The following PRKN variants were observed in gnomAD, a reference collection of about 807,000 sequenced individuals.
PRKN encodes the protein parkin RBR E3 ubiquitin protein ligase.
Under a neutral mutation model 59.5 loss-of-function variants are expected in PRKN, and 56 were observed. That is an observed-to-expected ratio of 0.94 (90% CI 0.76 to 1.18). The LOEUF (loss-of-function observed/expected upper bound fraction) is 1.18, where lower values mean the gene tolerates loss of function less well. Among genes scored for constraint, PRKN ranks in the 50% most tolerant of loss-of-function variants. PRKN has a pLI of 0.00. For synonymous variants in PRKN, 250 were observed against 222.1 expected, an observed-to-expected ratio of 1.13 and a Z score of -1.12; for missense variants, 657 against 596.4, an observed-to-expected ratio of 1.10 and a Z score of -1.06.
chr6:162,188,103 G>T (rs754009922), intron 4 of PRKN, among the ~76,000 whole-genome samples: 1 of 152,168 alleles, frequency 6.6e-6, no homozygotes, highest in African/African-American at 2.4e-5. Flanking sequence ...CACCATCCAT[G>T]TAAGACATGA....
intron 4 of PRKN, among the ~76,000 whole-genome samples, chr6:162,068,937 A>G (rs554037337): frequency 4.1e-4 from 62 of 152,318 alleles, no homozygotes; most frequent in Admixed American, 4.1e-3. Flanking sequence ...TGGTAACTCA[A>G]TATATAACAT....
At chr6:162,469,450 C>T (rs1791612151) in intron 1 of PRKN, among the ~76,000 whole-genome samples, 1 of 151,266 alleles carries the variant, frequency 6.6e-6, no homozygotes, top group Non-Finnish European at 1.5e-5. Flanking sequence ...CGGAACCAGC[C>T]CAAATGCCCA....
chr6:161,765,696 A>G (rs1378898520), intron 7 of PRKN, among the ~76,000 whole-genome samples: 1 of 152,116 alleles, frequency 6.6e-6, no homozygotes, highest in Non-Finnish European at 1.5e-5. Flanking sequence ...CCAACAAGAG[A>G]TATTAGATAA....
intron 1 of PRKN, among the ~76,000 whole-genome samples, chr6:162,529,852 G>A (rs1458044710): frequency 1.3e-5 from 2 of 152,164 alleles, no homozygotes; most frequent in Non-Finnish European, 2.9e-5. Flanking sequence ...ATCTTAAGCT[G>A]GGCGTGGTGG....
At chr6:162,711,071 GAC>G (rs1778519632) in intron 1 of PRKN, among the ~76,000 whole-genome samples, 1 of 152,218 alleles carries the variant, frequency 6.6e-6, no homozygotes, top group Non-Finnish European at 1.5e-5. Flanking sequence ...CTGGTTCACT[GAC>G]AGTTTGATGA....
chr6:162,591,892 G>GAA (rs57079805), intron 1 of PRKN, among the ~76,000 whole-genome samples: 4 of 127,040 alleles, frequency 3.1e-5, no homozygotes, highest in South Asian at 2.4e-4. Flanking sequence ...TGAACTGCTA[G>GAA]AAAAAAAAAA....
intron 6 of PRKN, among the ~76,000 whole-genome samples, chr6:161,887,453 G>A (rs1305659452): frequency 2.0e-5 from 3 of 152,158 alleles, no homozygotes; most frequent in Non-Finnish European, 2.9e-5. Flanking sequence ...AATCCTATTT[G>A]TACCACAGAA....
chr6:162,504,005 G>A (rs1793497436), intron 1 of PRKN, among the ~76,000 whole-genome samples: 1 of 152,228 alleles, frequency 6.6e-6, no homozygotes, highest in African/African-American at 2.4e-5. Context: ...ACAGCTGACT[G>A]AATTGAGAAG....
rs149103298 is a variant in PRKN at position 161,732,286 on chromosome 6, C to T, written c.871+53486G>A. 2.8e-4 allele frequency among the ~76,000 whole-genome samples: 42 copies of T among 152,098 alleles called. No homozygotes were observed. In the East Asian group the frequency reaches 7.4e-3, roughly 27 times the overall value. On this transcript the variant is annotated intron_variant, in intron 7 of 11. Coordinates refer to ENST00000366898, the MANE Select transcript of PRKN (RefSeq NM_004562.3). ...ATGTTTAGTACAGACAGGGTTTCAC[C>T]ATGTTGGCCAGGCTGGTCTTAAACT...
At chr6:161,708,083 GTCTGAT>G (rs1476311873) in intron 7 of PRKN, among the ~76,000 whole-genome samples, 1 of 152,096 alleles carries the variant, frequency 6.6e-6, no homozygotes, top group Non-Finnish European at 1.5e-5. Flanking sequence ...GGAATTAAGT[GTCTGAT>G]TCTAACTATG....
At chr6:161,757,832 C>CCTCTCTCT (rs1788993273) in intron 7 of PRKN, among the ~76,000 whole-genome samples, 1 of 32,824 alleles carries the variant, frequency 3.0e-5, no homozygotes, top group African/African-American at 1.3e-4. Flanking sequence ...AGCAAAACTC[C>CCTCTCTCT]ATCTCTCTCT....
rs922409760 is a variant in PRKN at position 161,475,779 on chromosome 6, T to C, written c.1083+73075A>G. ...CAAGGGCCACTGTTCCTGGCCTGAC[T>C]TGTTATTTAATTCATTCATAAAGAA... On this transcript the variant is annotated intron_variant, in intron 9 of 11. Transcript: ENST00000366898. This position sits in a 1 kb window ranked among gnomAD's most constrained non-coding sequence, Gnocchi z 5.3. Among the ~76,000 whole-genome samples, 1 of 152,222 alleles carries C rather than the reference T, an allele frequency of 6.6e-6. No individual in the cohort carries two copies. Among genetic ancestry groups the C allele is most frequent in the African/African-American group, 2.4e-5 (1 of 41,472 alleles).
intron 2 of PRKN, among the ~76,000 whole-genome samples, chr6:162,375,069 T>C (rs1453354156): frequency 6.6e-6 from 1 of 152,130 alleles, no homozygotes; most frequent in Non-Finnish European, 1.5e-5. Flanking sequence ...TTTAGTCTTT[T>C]GTGTAACAAT....
intron 2 of PRKN, among the ~76,000 whole-genome samples, chr6:162,426,690 G>A (rs774762250): frequency 1.3e-5 from 2 of 152,094 alleles, no homozygotes; most frequent in Non-Finnish European, 2.9e-5. Context: ...CAAGGGATCC[G>A]CCCACCTGGG....
intron 6 of PRKN, among the ~76,000 whole-genome samples, chr6:161,941,233 C>G (rs896193880): frequency 1.8e-4 from 27 of 152,188 alleles, no homozygotes; most frequent in African/African-American, 6.3e-4. Context: ...CCTATAAAAA[C>G]CCTGAGAGCC....
intron 4 of PRKN, among the ~76,000 whole-genome samples, chr6:162,146,735 C>T (rs1386001890): frequency 6.6e-6 from 1 of 151,938 alleles, no homozygotes; most frequent in South Asian, 2.1e-4. Context: ...GAACTCCTGA[C>T]CTCAGGTGAT....
chr6:161,906,756 C>T (rs769970239), intron 6 of PRKN, among the ~76,000 whole-genome samples: 2 of 150,566 alleles, frequency 1.3e-5, no homozygotes, highest in African/African-American at 2.5e-5. Context: ...GTCACAAAAC[C>T]TCAAAAGTAG....
At chr6:162,011,720 C>A (rs1426784374) in intron 5 of PRKN, among the ~76,000 whole-genome samples, 1 of 150,380 alleles carries the variant, frequency 6.6e-6, no homozygotes, top group African/African-American at 2.4e-5. Context: ...TCACTCTGGG[C>A]TAATGACCTT....
chr6:162,507,900 C>T (rs771409249), intron 1 of PRKN, among the ~76,000 whole-genome samples: 36 of 152,098 alleles, frequency 2.4e-4, no homozygotes, highest in Non-Finnish European at 2.9e-5. Flanking sequence ...GAATACTCAA[C>T]GAAGTAGAAC....
Sources: allele counts gnomAD v4.1 joint callset (sites outside exome capture counted in the v4.1 genomes callset), GRCh38; gene constraint gnomAD v4.1.1; non-coding constraint Gnocchi (gnomAD v3.1); transcripts MANE v1.5; gene names NCBI Gene and HGNC (gene_info 2026-07-23, HGNC 2026-07-21).